CFAP47: variants seen among roughly 807,000 people sequenced by gnomAD.
CFAP47 encodes cilia- and flagella-associated protein 47.
A neutral mutation model predicts 148.1 loss-of-function variants in CFAP47; 29 were observed. That is an observed-to-expected ratio of 0.20 (90% CI 0.15 to 0.27). The LOEUF (loss-of-function observed/expected upper bound fraction) is 0.27, where lower values mean the gene tolerates loss of function less well. CFAP47 is among the 10% of genes least tolerant of loss of function. The pLI is 1.00. For missense variants in CFAP47, 1,872 were observed against 1,697.5 expected (o/e 1.10, Z -1.81); for synonymous variants, 664 against 577.3 (o/e 1.15, Z -2.15).
At chrX:36,241,357 A>C (rs1940541571) in intron 48 of CFAP47, among the ~76,000 whole-genome samples, 1 of 111,541 alleles carries the variant, frequency 9.0e-6, no homozygotes, top group Non-Finnish European at 1.9e-5. Context: ...CCCTTCTAGA[A>C]GCTCTAGCCC....
At chrX:36,024,311 A>C (rs145463501) in intron 22 of CFAP47, among the ~76,000 whole-genome samples, 1,383 of 111,478 alleles carry the variant, frequency 0.012, 24 homozygotes, top group African/African-American at 0.043. Flanking sequence ...TCTTATCCAA[A>C]ATGTAAGACA....
At chrX:36,259,348 T>G (rs782436237) in intron 49 of CFAP47, among the ~76,000 whole-genome samples, 1 of 111,531 alleles carries the variant, frequency 9.0e-6, no homozygotes, top group Admixed American at 9.5e-5. Context: ...TACATATAGA[T>G]TTGCAAAATA....
intron 2 of CFAP47, among the ~76,000 whole-genome samples, chrX:35,934,328 A>G (rs961565169): frequency 1.8e-5 from 2 of 110,621 alleles, no homozygotes; most frequent in African/African-American, 6.6e-5. Flanking sequence ...GCCTCACCCT[A>G]TGGCCGCCAC....
intron 42 of CFAP47, among the ~76,000 whole-genome samples, chrX:36,192,576 T>C (rs1602039418): frequency 9.0e-6 from 1 of 111,022 alleles, no homozygotes. Flanking sequence ...GAGGCAAGGG[T>C]ATAAAAGAGG....
intron 39 of CFAP47, among the ~76,000 whole-genome samples, chrX:36,169,754 T>C (rs189753578): frequency 9.0e-6 from 1 of 111,344 alleles, no homozygotes; most frequent in African/African-American, 3.3e-5. Flanking sequence ...GGGCATCTTT[T>C]CCCCCATATG....
chrX:36,371,776 A>G lies in CFAP47; in HGVS notation c.9185+4649A>G, dbSNP rs782153154. Among the ~76,000 whole-genome samples, 10 of 49,712 alleles carry G rather than the reference A, an allele frequency of 2.0e-4. 1 individual carries two copies. The highest frequency in any genetic ancestry group is 3.6e-4 in the Admixed American group (2 of 5,600). 43.2% of individuals were successfully genotyped at this position (49,712 alleles called of 115,157 possible). A position where few individuals can be genotyped will look rare whatever the true frequency, so the allele number is the denominator to read the frequency against. On this transcript the variant is annotated intron_variant, in intron 62 of 63. Transcript: ENST00000378653. The stretch of plus-strand genomic sequence containing the variant: ...TACACACATGTGTGTATATACACAC[A>G]TGTGTATATATGTGTGTATATACAC...
intron 2 of CFAP47, among the ~76,000 whole-genome samples, chrX:35,934,082 C>T (rs6527523): frequency 0.18 from 20,313 of 109,983 alleles, 1,557 homozygotes; most frequent in African/African-American, 0.28. Flanking sequence ...TTGATGTGAT[C>T]CTGTTTGCCA....
chrX:36,118,306 A>C (rs1453374765), intron 33 of CFAP47, among the ~76,000 whole-genome samples: 1 of 110,961 alleles, frequency 9.0e-6, no homozygotes, highest in Non-Finnish European at 1.9e-5. Flanking sequence ...TAGGGGTTGC[A>C]TGGAATCTGT....
chrX:36,354,736 C>G (rs1438938661), intron 60 of CFAP47, among the ~76,000 whole-genome samples: 1 of 110,509 alleles, frequency 9.0e-6, no homozygotes, highest in African/African-American at 3.3e-5. Flanking sequence ...AGGAACCAGA[C>G]TTACCAAAGC....
chrX:36,317,522 G>A (rs1310175341), intron 56 of CFAP47, among the ~76,000 whole-genome samples: 1 of 107,825 alleles, frequency 9.3e-6, no homozygotes, highest in Non-Finnish European at 1.9e-5. Flanking sequence ...CCATTCTCCT[G>A]CCTCAGCCTC....
At chrX:36,233,266 C>T (rs1602059374) in intron 46 of CFAP47, among the ~76,000 whole-genome samples, 1 of 111,389 alleles carries the variant, frequency 9.0e-6, no homozygotes, top group Non-Finnish European at 1.9e-5. Flanking sequence ...CTTTGTAGGT[C>T]ACTCAGGACT....
chrX:36,240,757 C>A (rs1174612718), intron 48 of CFAP47, among the ~76,000 whole-genome samples: 11 of 111,288 alleles, frequency 9.9e-5, no homozygotes, highest in African/African-American at 3.3e-4. Flanking sequence ...AACTTTAAAC[C>A]ACATATCCAA....
At chrX:35,923,927 A>G (rs1261414258) in intron 1 of CFAP47, among the ~76,000 whole-genome samples, 1 of 69,610 alleles carries the variant, frequency 1.4e-5, no homozygotes, top group Admixed American at 1.7e-4. Flanking sequence ...ATGTACATAT[A>G]TATGTGTATA....
intron 21 of CFAP47, among the ~76,000 whole-genome samples, chrX:36,012,174 C>T (rs747154596): frequency 3.6e-5 from 4 of 111,058 alleles, no homozygotes; most frequent in South Asian, 3.8e-4. Flanking sequence ...CAATAGATGC[C>T]GGTGAGGCTG....
At position 36,333,121 on chromosome X, in the gene CFAP47, T is replaced by A. The variant is rs782422415; in HGVS notation, c.8443+13814T>A. On this transcript the variant is annotated intron_variant, in intron 57 of 63. Transcript: ENST00000378653. ...CATGTGGAAGCATCTTATTATACAT[T>A]TATCTCTCTTTATATCTGTCACCAT... Among the ~76,000 whole-genome samples the A allele has an allele frequency of 2.7e-5, 3 of 111,446 alleles. No homozygotes were observed. In the South Asian group the frequency reaches 1.1e-3, roughly 42 times the overall value.
chrX:36,027,999 G>T (rs138512291), intron 22 of CFAP47, among the ~76,000 whole-genome samples: 33 of 111,039 alleles, frequency 3.0e-4, no homozygotes, highest in African/African-American at 1.0e-3. Flanking sequence ...CTTTTTAATG[G>T]GGTTATTTGT....
In CFAP47 at chrX:36,330,820, CCTCTA is replaced by C. The variant is rs1413692769; in HGVS notation, c.8443+11517_8443+11521del. Reference sequence around the variant, plus strand: ...TCTGTGCCACCATCTAAAGCCAGCCCCTCTACTCGAACCCTAGATTCTGCCTTTTC... The same window carrying C: ...TCTGTGCCACCATCTAAAGCCAGCCCCTCGAACCCTAGATTCTGCCTTTTC... On this transcript the variant is annotated intron_variant, in intron 57 of 63. Coordinates refer to ENST00000378653, the MANE Select transcript of CFAP47 (RefSeq NM_001304548.2). Among the ~76,000 whole-genome samples the C allele has an allele frequency of 2.7e-4, 30 of 111,568 alleles. No individual in the cohort carries two copies. The East Asian group carries it at 8.2e-3, about 31-fold the overall frequency.
intron 29 of CFAP47, among the ~76,000 whole-genome samples, chrX:36,084,376 A>G (rs182628461): frequency 1.3e-3 from 148 of 111,867 alleles, no homozygotes; most frequent in African/African-American, 4.7e-3. Context: ...CCCATTACTT[A>G]TGAAGAAACT....
intron 63 of CFAP47, chrX:36,379,900 A>T (rs1170720226): frequency 1.7e-5 from 2 of 117,846 alleles, no homozygotes; most frequent in African/African-American, 6.5e-5. Context: ...GGAGCCCTTA[A>T]TTAAGGCAGA....
Sources: allele counts gnomAD v4.1 joint callset (sites outside exome capture counted in the v4.1 genomes callset), GRCh38; gene constraint gnomAD v4.1.1; transcripts MANE v1.5; gene names NCBI Gene and HGNC (gene_info 2026-07-23, HGNC 2026-07-21).